Variants in SPAG16 observed in about 807,000 individuals in gnomAD.
SPAG16 encodes the protein sperm associated antigen 16, also known as sperm-associated antigen 16 protein.
SPAG16 carries 86 observed loss-of-function variants against 80.4 expected under a neutral mutation model. The observed-to-expected ratio is 1.07, with a 90% CI of 0.90 to 1.28. SPAG16 has a LOEUF of 1.28. SPAG16 is among the 50% of genes most tolerant of loss of function. SPAG16 has a pLI of 0.00. For synonymous variants in SPAG16, 294 were observed against 265.9 expected, an observed-to-expected ratio of 1.11 and a Z score of -1.03; for missense variants, 870 against 765.3, an observed-to-expected ratio of 1.14 and a Z score of -1.61.
At chr2:213,580,876 C>T (rs1434476582) in intron 10 of SPAG16, among the ~76,000 whole-genome samples, 1 of 151,974 alleles carries the variant, frequency 6.6e-6, no homozygotes. Context: ...GCACATGTAT[C>T]TCCCAGCCTA....
chr2:214,390,331 CT>C (rs5838433), intron 15 of SPAG16, among the ~76,000 whole-genome samples: 8 of 112,602 alleles, frequency 7.1e-5, no homozygotes, highest in East Asian at 5.1e-4. Context: ...AATGGGTATG[CT>C]TTTTTTTTTA....
chr2:214,392,779 T>C (rs145406149), intron 15 of SPAG16, among the ~76,000 whole-genome samples: 13 of 152,054 alleles, frequency 8.5e-5, no homozygotes, highest in African/African-American at 3.1e-4. Context: ...AGAGAAATAC[T>C]TCCATAGAAA....
intron 13 of SPAG16, among the ~76,000 whole-genome samples, chr2:214,033,236 G>T (rs191816942): frequency 6.6e-6 from 1 of 152,280 alleles, no homozygotes; most frequent in East Asian, 1.9e-4. Context: ...ATGGGTATGT[G>T]GGTGTGGGCA....
intron 10 of SPAG16, among the ~76,000 whole-genome samples, chr2:213,555,220 A>C (rs891084192): frequency 4.6e-5 from 7 of 152,210 alleles, no homozygotes; most frequent in Non-Finnish European, 1.0e-4. Flanking sequence ...CTGCCAACCA[A>C]AAATAAGTTT....
At chr2:213,824,059 G>A (rs1276877002) in intron 10 of SPAG16, among the ~76,000 whole-genome samples, 1 of 152,184 alleles carries the variant, frequency 6.6e-6, no homozygotes, top group African/African-American at 2.4e-5. Flanking sequence ...TTACATATAA[G>A]TCTTTAATCC....
chr2:213,591,256 A>T (rs1213819261), intron 10 of SPAG16, among the ~76,000 whole-genome samples: 2 of 152,182 alleles, frequency 1.3e-5, no homozygotes, highest in East Asian at 3.8e-4. Flanking sequence ...TCAAGGGAAG[A>T]TCACCTAATT....
chr2:214,131,284 G>A (rs1388050009), intron 14 of SPAG16, among the ~76,000 whole-genome samples: 1 of 151,628 alleles, frequency 6.6e-6, no homozygotes, highest in Non-Finnish European at 1.5e-5. Context: ...GTGGGAGGAT[G>A]GCTTGAGAGC....
chr2:214,130,988 A>C (rs376045357), intron 14 of SPAG16, among the ~76,000 whole-genome samples: 4 of 152,150 alleles, frequency 2.6e-5, no homozygotes, highest in African/African-American at 7.2e-5. Context: ...CTAATTTTGC[A>C]TCGTATTTGG....
At chr2:214,404,266 G>A (rs1487603114) in intron 15 of SPAG16, among the ~76,000 whole-genome samples, 2 of 152,176 alleles carry the variant, frequency 1.3e-5, no homozygotes, top group African/African-American at 2.4e-5. Context: ...TGATTTAGGT[G>A]CCAAAGATCT....
At chr2:214,014,560 G>T (rs994733148) in intron 13 of SPAG16, among the ~76,000 whole-genome samples, 4 of 152,138 alleles carry the variant, frequency 2.6e-5, no homozygotes, top group African/African-American at 7.2e-5. Flanking sequence ...AGATCTGGAG[G>T]GTAAGTAGGA....
chr2:213,761,606 A>G (rs2068659539), intron 10 of SPAG16, among the ~76,000 whole-genome samples: 1 of 152,202 alleles, frequency 6.6e-6, no homozygotes, highest in African/African-American at 2.4e-5. Flanking sequence ...TCACGCCTGT[A>G]ATCTCAGCAC....
At chr2:213,409,634 A>G (rs1045592294) in intron 9 of SPAG16, among the ~76,000 whole-genome samples, 1 of 152,340 alleles carries the variant, frequency 6.6e-6, no homozygotes, top group African/African-American at 2.4e-5. Flanking sequence ...TTGAATAAAT[A>G]TATCTACAAA....
At chr2:214,354,622 T>C (rs1698652372) in intron 15 of SPAG16, among the ~76,000 whole-genome samples, 1 of 152,126 alleles carries the variant, frequency 6.6e-6, no homozygotes, top group South Asian at 2.1e-4. Flanking sequence ...TGATTCTTCC[T>C]ACCCATGAGC....
At chr2:214,385,157 C>A (rs1271508214) in intron 15 of SPAG16, among the ~76,000 whole-genome samples, 1 of 152,208 alleles carries the variant, frequency 6.6e-6, no homozygotes, top group Admixed American at 6.5e-5. Context: ...TAGTTCAGTA[C>A]ACAGTTCAGC....
In SPAG16 at chr2:213,917,970, G is replaced by A. The variant is rs2078044375; in HGVS notation, c.1215-11990G>A. 2.0e-5 allele frequency among the ~76,000 whole-genome samples: 3 copies of A among 152,034 alleles called. 1 individual carries two copies. Among genetic ancestry groups the A allele is most frequent in the Admixed American group, 2.0e-4 (3 of 15,232 alleles). On this transcript the variant is annotated intron_variant, in intron 11 of 15. Coordinates refer to ENST00000331683, the MANE Select transcript of SPAG16 (RefSeq NM_024532.5). ...TCTTTTGATGCCTAATTTATTGAGG[G>A]TTGTTAATGTGAAGATGTATTTTAT...
At position 213,747,727 on chromosome 2, in the gene SPAG16, CAAT is replaced by C. The variant is rs2067893012; in HGVS notation, c.1071-114757_1071-114755del. ...CTATCTAGGTTTGTATAAGTACACT[CAAT>C]GATGTTCGAAGAAGGATACCATCTC... On this transcript the variant is annotated intron_variant, in intron 10 of 15. Transcript: ENST00000331683. Among the ~76,000 whole-genome samples, 8 of 152,244 alleles carry C rather than the reference CAAT, an allele frequency of 5.3e-5. No homozygotes were observed. The South Asian group carries it at 1.7e-3, about 32-fold the overall frequency.
At chr2:213,435,743 A>G (rs2070597948) in intron 9 of SPAG16, among the ~76,000 whole-genome samples, 1 of 152,190 alleles carries the variant, frequency 6.6e-6, no homozygotes, top group South Asian at 2.1e-4. Flanking sequence ...AGGACAGAAA[A>G]CAATCTGAAC....
intron 10 of SPAG16, among the ~76,000 whole-genome samples, chr2:213,495,172 A>C (rs2074425987): frequency 6.6e-6 from 1 of 152,076 alleles, no homozygotes; most frequent in Non-Finnish European, 1.5e-5. Flanking sequence ...CCATTGGGAG[A>C]TTATATCTTC....
chr2:214,229,426 T>C (rs77839444), intron 15 of SPAG16, among the ~76,000 whole-genome samples: 3,485 of 151,910 alleles, frequency 0.023, 84 homozygotes, highest in African/African-American at 0.06. Flanking sequence ...AGTGCAAACA[T>C]TTTTAATTTT....
Sources: allele counts gnomAD v4.1 joint callset (sites outside exome capture counted in the v4.1 genomes callset), GRCh38; gene constraint gnomAD v4.1.1; transcripts MANE v1.5; gene names NCBI Gene and HGNC (gene_info 2026-07-23, HGNC 2026-07-21).